Variants in GPC5 observed in about 807,000 individuals in gnomAD.
GPC5 encodes the protein glypican 5.
In GPC5, 47 loss-of-function variants were observed where a neutral mutation model predicts 53.9. That is an observed-to-expected ratio of 0.87 (90% CI 0.69 to 1.11). The LOEUF (loss-of-function observed/expected upper bound fraction) is 1.11, where lower values mean the gene tolerates loss of function less well. Ranked by LOEUF, GPC5 falls within the 50% of genes most tolerant of loss-of-function variation. The probability of loss-of-function intolerance (pLI) is 0.00; values close to 1 mark genes in which losing one functional copy is unlikely to be tolerated. For synonymous variants in GPC5, 286 were observed against 263.3 expected, an observed-to-expected ratio of 1.09 and a Z score of -0.84; for missense variants, 748 against 713.1, an observed-to-expected ratio of 1.05 and a Z score of -0.56.
At chr13:92,673,538 C>T (rs1158274120) in intron 7 of GPC5, among the ~76,000 whole-genome samples, 2 of 152,164 alleles carry the variant, frequency 1.3e-5, no homozygotes, top group Non-Finnish European at 2.9e-5. Context: ...GCTGGGATTA[C>T]AGGCATGAGC....
At chr13:92,500,510 C>G (rs1356524839) in intron 7 of GPC5, among the ~76,000 whole-genome samples, 1 of 152,206 alleles carries the variant, frequency 6.6e-6, no homozygotes, top group African/African-American at 2.4e-5. Flanking sequence ...CTCTACATTC[C>G]TATGTTAATC....
intron 7 of GPC5, among the ~76,000 whole-genome samples, chr13:92,701,051 TTGACATC>T (rs1887720473): frequency 6.6e-6 from 1 of 152,092 alleles, no homozygotes; most frequent in African/African-American, 2.4e-5. Context: ...ACTTAAGACT[TTGACATC>T]ATGCTAAATA....
chr13:92,245,736 C>T (rs1330006455), intron 7 of GPC5, among the ~76,000 whole-genome samples: 2 of 151,874 alleles, frequency 1.3e-5, no homozygotes, highest in Non-Finnish European at 2.9e-5. Flanking sequence ...TATTTATTTT[C>T]TCTTAAAATA....
chr13:91,867,027 C>A (rs973688755), intron 5 of GPC5, among the ~76,000 whole-genome samples: 9 of 152,082 alleles, frequency 5.9e-5, no homozygotes, highest in African/African-American at 1.9e-4. Context: ...ACCAGCCTGA[C>A]CAACATGGAG....
intron 2 of GPC5, among the ~76,000 whole-genome samples, chr13:91,557,842 G>T (rs1300703324): frequency 1.3e-5 from 2 of 152,080 alleles, no homozygotes; most frequent in Non-Finnish European, 2.9e-5. Context: ...TTTTACATTA[G>T]TCCCAGAGCT....
rs141549281 is a variant in GPC5 at position 92,148,372 on chromosome 13, G to A, written c.1561+3383G>A. 3.5e-3 allele frequency among the ~76,000 whole-genome samples: 532 copies of A among 152,012 alleles called. 2 individuals carry two copies. The highest frequency in any genetic ancestry group is 5.7e-3 in the Non-Finnish European group (385 of 67,908). On this transcript the variant is annotated intron_variant, in intron 7 of 7. Coordinates refer to ENST00000377067, the MANE Select transcript of GPC5 (RefSeq NM_004466.6). ...AAAGTTTTACCACCAAAATATTTGC[G>A]TACCTTTTAGGTGTCATTTTGTCTT...
intron 7 of GPC5, among the ~76,000 whole-genome samples, chr13:92,308,735 G>A (rs9589498): frequency 0.31 from 46,671 of 151,864 alleles, 7,321 homozygotes; most frequent in Middle Eastern, 0.49. Flanking sequence ...TTGTGAAAAA[G>A]AGAGACTCGA....
intron 7 of GPC5, among the ~76,000 whole-genome samples, chr13:92,174,383 A>C (rs1455352004): frequency 3.3e-5 from 5 of 151,310 alleles, no homozygotes; most frequent in African/African-American, 4.8e-5. Flanking sequence ...AAAACAAAAA[A>C]AAATGGCCGG....
At chr13:92,854,145 G>C (rs1290286022) in intron 7 of GPC5, among the ~76,000 whole-genome samples, 1 of 150,488 alleles carries the variant, frequency 6.6e-6, no homozygotes. Flanking sequence ...TCTTATGTGA[G>C]CTTTAATTTA....
rs1432295624 is a variant in GPC5 at position 92,716,840 on chromosome 13, T to C, written c.1562-149442T>C. 2.0e-5 allele frequency among the ~76,000 whole-genome samples: 3 copies of C among 152,156 alleles called. No individual in the cohort carries two copies. In the East Asian group the frequency reaches 5.8e-4, roughly 29 times the overall value. ...AAACAAACAACAGCAACCAATAAGC[T>C]TTCTTTAGTACCACTGAATATATAG... On this transcript the variant is annotated intron_variant, in intron 7 of 7. Coordinates refer to ENST00000377067, the MANE Select transcript of GPC5 (RefSeq NM_004466.6).
At position 92,642,528 on chromosome 13, in the gene GPC5, T is replaced by C. The variant is rs1438927882; in HGVS notation, c.1562-223754T>C. Among the ~76,000 whole-genome samples, 3 of 152,178 alleles carry C rather than the reference T, an allele frequency of 2.0e-5. No homozygotes were observed. The East Asian group carries it at 5.8e-4, about 29-fold the overall frequency. On this transcript the variant is annotated intron_variant, in intron 7 of 7. Transcript: ENST00000377067. The stretch of plus-strand genomic sequence containing the variant: ...TGAGCTCCCTGCTCCCTCAACCAGA[T>C]AGAGATTGAAGAGGACGCCATCTCT...
intron 5 of GPC5, among the ~76,000 whole-genome samples, chr13:91,845,538 T>A (rs2038839270): frequency 6.6e-6 from 1 of 152,196 alleles, no homozygotes; most frequent in Non-Finnish European, 1.5e-5. Context: ...AGTACAGTAT[T>A]ATTAACTATA....
intron 7 of GPC5, among the ~76,000 whole-genome samples, chr13:92,646,929 C>CGTGTGTGTGTGTGTGT (rs372426651): frequency 1.2e-4 from 16 of 135,152 alleles, no homozygotes; most frequent in Admixed American, 7.8e-4. Context: ...TATATATAAA[C>CGTGTGTGTGTGTGTGT]ATGTGTGTGT....
intron 7 of GPC5, among the ~76,000 whole-genome samples, chr13:92,860,611 A>G (rs889158585): frequency 6.6e-6 from 1 of 152,144 alleles, no homozygotes; most frequent in Non-Finnish European, 1.5e-5. Context: ...ACATGTGGCT[A>G]ATGTTAGCAT....
chr13:92,557,081 A>G (rs1459944704), intron 7 of GPC5, among the ~76,000 whole-genome samples: 1 of 150,240 alleles, frequency 6.7e-6, no homozygotes, highest in Non-Finnish European at 1.5e-5. Flanking sequence ...TCTTAGCACG[A>G]TTTTAGGATC....
intron 7 of GPC5, among the ~76,000 whole-genome samples, chr13:92,856,412 G>A (rs544537768): frequency 1.3e-5 from 2 of 152,054 alleles, no homozygotes; most frequent in Admixed American, 1.3e-4. Context: ...AGCTAGAAGT[G>A]TTTCCCTTAA....
At chr13:92,165,591 T>C (rs899334924) in intron 7 of GPC5, among the ~76,000 whole-genome samples, 1 of 152,132 alleles carries the variant, frequency 6.6e-6, no homozygotes, top group Non-Finnish European at 1.5e-5. Context: ...AAACTCACTA[T>C]CATGAGAACA....
In GPC5 at chr13:91,398,889, C is replaced by A. The variant is rs537547851; in HGVS notation, c.-158C>A. Reference sequence around the variant, plus strand: ...CTCCTCCGGGAAGAGCTAACTGCTCCCAGGTGAAGCCGGTGCCCGCGGGCG... The same window carrying A: ...CTCCTCCGGGAAGAGCTAACTGCTCACAGGTGAAGCCGGTGCCCGCGGGCG... On this transcript the variant is annotated 5_prime_UTR_variant, in exon 1 of 8. Transcript: ENST00000377067. The A allele has an allele frequency of 1.8e-5, 15 of 827,062 alleles. No homozygotes were observed. In the East Asian group the frequency reaches 4.4e-4, roughly 24 times the overall value. 51.2% of individuals were successfully genotyped at this position (827,062 alleles called of 1,614,324 possible).
intron 5 of GPC5, among the ~76,000 whole-genome samples, chr13:91,804,829 G>A (rs1359537446): frequency 6.6e-6 from 1 of 152,202 alleles, no homozygotes; most frequent in Non-Finnish European, 1.5e-5. Context: ...GGAGATGTGT[G>A]CATGTGAACT....
Sources: allele counts gnomAD v4.1 joint callset (sites outside exome capture counted in the v4.1 genomes callset), GRCh38; gene constraint gnomAD v4.1.1; transcripts MANE v1.5; gene names NCBI Gene and HGNC (gene_info 2026-07-23, HGNC 2026-07-21).